Variants in RELN observed in about 807,000 individuals in gnomAD.
The protein encoded by RELN is reelin.
In RELN, 108 loss-of-function variants were observed where a neutral mutation model predicts 427.6. The observed-to-expected ratio is 0.25, with a 90% CI of 0.22 to 0.30. RELN has a LOEUF of 0.30. Among genes scored for constraint, RELN ranks in the 10% least tolerant of loss-of-function variants. The probability of loss-of-function intolerance (pLI) is 1.00; values close to 1 mark genes in which losing one functional copy is unlikely to be tolerated. For synonymous variants in RELN, 1,524 were observed against 1,513.4 expected (o/e 1.01, Z -0.16); for missense variants, 3,715 against 4,302.8 (o/e 0.86, Z 3.82).
intron 1 of RELN, among the ~76,000 whole-genome samples, chr7:103,943,187 G>C (rs1006798378): frequency 9.9e-5 from 15 of 152,122 alleles, no homozygotes. Flanking sequence ...AAATAGAAAA[G>C]CTGCTCCCTT....
intron 2 of RELN, among the ~76,000 whole-genome samples, chr7:103,857,865 G>C (rs1390440216): frequency 6.6e-6 from 1 of 152,000 alleles, no homozygotes; most frequent in Non-Finnish European, 1.5e-5. Flanking sequence ...GAAGGAATTG[G>C]GGGAAAAAAG....
chr7:103,775,788 T>G (rs1791722861), intron 4 of RELN, among the ~76,000 whole-genome samples: 1 of 152,232 alleles, frequency 6.6e-6, no homozygotes, highest in African/African-American at 2.4e-5. Context: ...TAGAATGACT[T>G]ACACGGTAAG....
At chr7:103,537,917 T>G (rs984792874) in intron 45 of RELN, among the ~76,000 whole-genome samples, 1 of 152,238 alleles carries the variant, frequency 6.6e-6, no homozygotes, top group Non-Finnish European at 1.5e-5. Flanking sequence ...CTTCTTAGAT[T>G]GGCCAACCAT....
intron 52 of RELN, among the ~76,000 whole-genome samples, chr7:103,501,484 CTTTG>C (rs1424119017): frequency 2.0e-5 from 3 of 152,118 alleles, no homozygotes; most frequent in Non-Finnish European, 2.9e-5. Context: ...TTAATTTCAT[CTTTG>C]TTCTTCTCTG....
intron 2 of RELN, among the ~76,000 whole-genome samples, chr7:103,894,949 G>A (rs1032863449): frequency 3.3e-5 from 5 of 152,084 alleles, no homozygotes. Flanking sequence ...CTCATGCTCT[G>A]CTCTGGCTCA....
At chr7:103,610,856 G>A (rs377571746) in intron 21 of RELN, 49 bp from the exon 22 acceptor site, 9 of 1,006,688 alleles carry the variant, frequency 8.9e-6, no homozygotes, top group African/African-American at 7.9e-5. Context: ...TTTTCCTCAG[G>A]TGAAATATGT....
At chr7:103,777,189 C>T (rs1245073030) in intron 3 of RELN, among the ~76,000 whole-genome samples, 1 of 152,050 alleles carries the variant, frequency 6.6e-6, no homozygotes, top group Non-Finnish European at 1.5e-5. Flanking sequence ...ATATCTTTTA[C>T]TTCTTCCAAT....
chr7:103,904,768 G>T (rs542423985), intron 2 of RELN, among the ~76,000 whole-genome samples: 1 of 152,154 alleles, frequency 6.6e-6, no homozygotes, highest in South Asian at 2.1e-4. Flanking sequence ...GCAAGGGATT[G>T]CATCTTCATA....
chr7:103,689,337 T>C (rs540190549), intron 10 of RELN, among the ~76,000 whole-genome samples: 1 of 152,222 alleles, frequency 6.6e-6, no homozygotes, highest in East Asian at 1.9e-4. Context: ...GGAAAGTATC[T>C]ATCTCATAGT....
At chr7:103,711,823 A>AT (rs1369160323) in intron 8 of RELN, among the ~76,000 whole-genome samples, 2 of 151,844 alleles carry the variant, frequency 1.3e-5, no homozygotes, top group East Asian at 1.9e-4. Context: ...AACCTGGCTA[A>AT]TTTTTTTGTA....
chr7:103,819,901 T>A (rs1025717106), intron 3 of RELN, among the ~76,000 whole-genome samples: 12 of 152,150 alleles, frequency 7.9e-5, no homozygotes, highest in African/African-American at 2.6e-4. Flanking sequence ...CTATTTTCCC[T>A]AAGTCCAGAA....
intron 3 of RELN, among the ~76,000 whole-genome samples, chr7:103,814,195 T>A (rs1209624546): frequency 6.6e-6 from 1 of 152,186 alleles, no homozygotes; most frequent in Non-Finnish European, 1.5e-5. Flanking sequence ...AAAATGGGCA[T>A]AATAACACTG....
rs770570216 is a variant in RELN at position 103,989,133 on chromosome 7, T to A, written c.224A>T (p.His75Leu). 3.9e-5 allele frequency: 63 copies of A among 1,612,906 alleles called. No individual in the cohort carries two copies. Among genetic ancestry groups the A allele is most frequent in the Non-Finnish European group, 5.2e-5 (61 of 1,179,328 alleles). ...PTYYVPGQEY[H>L]VTISTSTFFD... ...CGCGGAGGTGCTGCGGTACCTACCA[T>A]GGTATTCTTGTCCCGGAACGTAGTA... Residue 75 changes from histidine to leucine, a missense_variant and splice_region_variant, in exon 1 of 65, where the codon CAT becomes CTT. Physicochemically the swap from His to Leu is moderately conservative, Grantham distance 99. Transcript: ENST00000428762. This position sits in a 1 kb window ranked among gnomAD's most constrained non-coding sequence, Gnocchi z 4.9.
chr7:103,541,035 G>C (rs552412503), intron 43 of RELN, among the ~76,000 whole-genome samples: 2 of 152,298 alleles, frequency 1.3e-5, no homozygotes, highest in Admixed American at 1.3e-4. Context: ...TGTCAAGCCT[G>C]GGCCTCTTTT....
chr7:103,861,433 T>C (rs945490352), intron 2 of RELN, among the ~76,000 whole-genome samples: 4 of 152,110 alleles, frequency 2.6e-5, no homozygotes, highest in Non-Finnish European at 5.9e-5. Flanking sequence ...AATCACAATA[T>C]TTGGAAATAG....
intron 3 of RELN, among the ~76,000 whole-genome samples, chr7:103,823,905 G>C (rs1044293586): frequency 5.3e-5 from 8 of 151,948 alleles, no homozygotes. Flanking sequence ...ATCTTGTTTT[G>C]CTTTCACACT....
chr7:103,694,270 C>G (rs893520694), intron 10 of RELN, among the ~76,000 whole-genome samples: 18 of 152,118 alleles, frequency 1.2e-4, no homozygotes, highest in African/African-American at 4.1e-4. Flanking sequence ...TTACTCACTA[C>G]TTGTGACAGC....
At chr7:103,542,343 T>C (rs1354889661) in intron 43 of RELN, among the ~76,000 whole-genome samples, 1 of 152,242 alleles carries the variant, frequency 6.6e-6, no homozygotes, top group Non-Finnish European at 1.5e-5. Context: ...CTACTAAGCA[T>C]GGTATAAGTG....
At chr7:103,680,403 C>T (rs1004791795) in intron 11 of RELN, among the ~76,000 whole-genome samples, 6 of 152,056 alleles carry the variant, frequency 3.9e-5, no homozygotes, top group South Asian at 2.1e-4. Context: ...ATGGAATTAG[C>T]GTGGAGAGAT....
Sources: allele counts gnomAD v4.1 joint callset (sites outside exome capture counted in the v4.1 genomes callset), GRCh38; gene constraint gnomAD v4.1.1; non-coding constraint Gnocchi (gnomAD v3.1); transcripts MANE v1.5; gene names NCBI Gene and HGNC (gene_info 2026-07-23, HGNC 2026-07-21).